The following SNX29 variants were observed in gnomAD, a reference collection of about 807,000 sequenced individuals.
The protein encoded by SNX29 is sorting nexin 29.
Under a neutral mutation model 102.1 loss-of-function variants are expected in SNX29, and 78 were observed. The ratio of observed to expected loss-of-function variants is 0.76; its 90% CI spans 0.64 to 0.92. The LOEUF is 0.92. Ranked by LOEUF, SNX29 falls within the 40% of genes least tolerant of loss-of-function variation. SNX29 has a pLI of 0.00. For missense variants in SNX29, 1,280 were observed against 1,061.7 expected (o/e 1.21, Z -2.86); for synonymous variants, 580 against 414.5 (o/e 1.40, Z -4.85).
At chr16:12,028,477 C>T (rs894503153) in intron 4 of SNX29, among the ~76,000 whole-genome samples, 28 of 152,006 alleles carry the variant, frequency 1.8e-4, no homozygotes, top group African/African-American at 6.8e-4. Flanking sequence ...GATCCCCTTG[C>T]CTGAGCCTCT....
intron 14 of SNX29, among the ~76,000 whole-genome samples, chr16:12,247,347 G>T (rs79246990): frequency 6.6e-6 from 1 of 152,198 alleles, no homozygotes; most frequent in South Asian, 2.1e-4. Flanking sequence ...CTATTATCAG[G>T]ATATATTCCT....
At chr16:12,382,094 C>T (rs922698542) in intron 16 of SNX29, among the ~76,000 whole-genome samples, 10 of 152,012 alleles carry the variant, frequency 6.6e-5, no homozygotes, top group South Asian at 2.1e-4. Flanking sequence ...GAATAACACC[C>T]GGGTTCCACA....
At chr16:12,034,750 C>A (rs2057428501) in intron 4 of SNX29, among the ~76,000 whole-genome samples, 1 of 152,214 alleles carries the variant, frequency 6.6e-6, no homozygotes, top group Non-Finnish European at 1.5e-5. Context: ...AAGACTCAGG[C>A]TTGTAATCCC....
intron 4 of SNX29, among the ~76,000 whole-genome samples, chr16:12,042,237 G>T (rs2049910127): frequency 6.6e-6 from 1 of 152,066 alleles, no homozygotes; most frequent in African/African-American, 2.4e-5. Flanking sequence ...TACTGTGTTG[G>T]CCAGGCTGGT....
chr16:12,311,269 T>C (rs1328201340), intron 15 of SNX29, among the ~76,000 whole-genome samples: 1 of 152,052 alleles, frequency 6.6e-6, no homozygotes, highest in Non-Finnish European at 1.5e-5. Flanking sequence ...GCTTGCTGGA[T>C]TGAGTAGAGA....
chr16:12,170,698 C>T (rs1357086183), intron 13 of SNX29, among the ~76,000 whole-genome samples: 3 of 151,590 alleles, frequency 2.0e-5, no homozygotes, highest in South Asian at 2.1e-4. Flanking sequence ...GTGGTAGACA[C>T]GGTCCCAGAG....
intron 11 of SNX29, among the ~76,000 whole-genome samples, chr16:12,091,793 A>AG (rs1555458620): frequency 1.3e-5 from 2 of 149,042 alleles, no homozygotes; most frequent in Non-Finnish European, 3.0e-5. Flanking sequence ...AAAAAAAAAA[A>AG]GGGACCCCAG....
At chr16:12,384,566 T>C (rs2083283644) in intron 16 of SNX29, among the ~76,000 whole-genome samples, 2 of 152,344 alleles carry the variant, frequency 1.3e-5, no homozygotes, top group East Asian at 3.9e-4. Context: ...ATTGGATTAT[T>C]AGATTTTTTT....
chr16:12,448,486 G>C (rs1026671285), intron 18 of SNX29, among the ~76,000 whole-genome samples: 11 of 137,794 alleles, frequency 8.0e-5, no homozygotes, highest in Non-Finnish European at 1.7e-4. Flanking sequence ...TTTTTTTTTA[G>C]GCCACCAAGT....
At chr16:12,543,823 C>T (rs1209586434) in intron 20 of SNX29, among the ~76,000 whole-genome samples, 3 of 152,206 alleles carry the variant, frequency 2.0e-5, no homozygotes, top group East Asian at 3.8e-4. Context: ...GAGACAGGGA[C>T]ACCTTCGTAT....
At chr16:12,372,035 A>G (rs1486283336) in intron 16 of SNX29, among the ~76,000 whole-genome samples, 2 of 152,242 alleles carry the variant, frequency 1.3e-5, no homozygotes, top group Non-Finnish European at 2.9e-5. Context: ...ACAACTATCT[A>G]GAGTACAAAA....
At chr16:11,985,472 G>A in intron 1 of SNX29, among the ~76,000 whole-genome samples, 1 of 152,194 alleles carries the variant, frequency 6.6e-6, no homozygotes, top group East Asian at 1.9e-4. Flanking sequence ...AGCTTAGCTG[G>A]ATCCACGTGT....
At chr16:12,281,367 C>T (rs557781197) in intron 15 of SNX29, among the ~76,000 whole-genome samples, 1 of 152,194 alleles carries the variant, frequency 6.6e-6, no homozygotes, top group South Asian at 2.1e-4. Flanking sequence ...CACATTTGTG[C>T]TTGGTGACCT....
At chr16:12,244,796 G>C (rs558828239) in intron 14 of SNX29, among the ~76,000 whole-genome samples, 4 of 152,284 alleles carry the variant, frequency 2.6e-5, no homozygotes, top group African/African-American at 9.6e-5. Flanking sequence ...TTAAGAAGAA[G>C]ATCCCTGGTT....
intron 15 of SNX29, among the ~76,000 whole-genome samples, chr16:12,354,298 T>C (rs908762583): frequency 5.3e-5 from 8 of 152,190 alleles, no homozygotes; most frequent in African/African-American, 1.7e-4. Context: ...TGCTGGAAAT[T>C]ATTTGATCAA....
chr16:12,444,184 A>AT (rs2085941291), intron 18 of SNX29, among the ~76,000 whole-genome samples: 1 of 151,632 alleles, frequency 6.6e-6, no homozygotes, highest in Non-Finnish European at 1.5e-5. Context: ...AGCACTCAAT[A>AT]TAGCACCTAG....
chr16:12,572,027 G>T lies in SNX29; in HGVS notation c.*3398G>T. 1 of 1,062,938 alleles carries T rather than the reference G, an allele frequency of 9.4e-7. No individual in the cohort carries two copies. Among genetic ancestry groups the T allele is most frequent in the Non-Finnish European group, 1.1e-6 (1 of 877,826 alleles). 65.8% of individuals were successfully genotyped at this position (1,062,938 alleles called of 1,614,324 possible). On this transcript the variant is annotated 3_prime_UTR_variant, in exon 21 of 21. Transcript: ENST00000566228. ...TCTAGGGAGCTGCTGGCTATAAAAG[G>T]GATCATCCAGTGGAGTTGTAAACAA...
At chr16:12,183,294 CCTAGACAAATA>C (rs1461199908) in intron 13 of SNX29, among the ~76,000 whole-genome samples, 1 of 152,174 alleles carries the variant, frequency 6.6e-6, no homozygotes, top group Non-Finnish European at 1.5e-5. Flanking sequence ...AGCCATGGCA[CCTAGACAAATA>C]CTTTGTATTT....
At chr16:12,218,392 G>A (rs768054377) in intron 14 of SNX29, among the ~76,000 whole-genome samples, 8 of 152,220 alleles carry the variant, frequency 5.3e-5, no homozygotes, top group Non-Finnish European at 1.0e-4. Context: ...TATGTCAGGA[G>A]TTGGGAAACC....
Sources: gnomAD v4.1 joint callset for allele counts (sites outside exome capture counted in the v4.1 genomes callset) on GRCh38, gnomAD v4.1.1 for gene constraint, MANE v1.5 for transcripts, NCBI Gene and HGNC (gene_info 2026-07-23, HGNC 2026-07-21) for gene names.